Variants in COPS5 observed in about 807,000 individuals in gnomAD.
The protein encoded by COPS5 is COP9 signalosome complex subunit 5.
In COPS5, 8 loss-of-function variants were observed where a neutral mutation model predicts 44.4. The ratio of observed to expected loss-of-function variants is 0.18; its 90% CI spans 0.11 to 0.32. The LOEUF (loss-of-function observed/expected upper bound fraction) is 0.32, where lower values mean the gene tolerates loss of function less well. Ranked by LOEUF, COPS5 falls within the 10% of genes least tolerant of loss-of-function variation. The probability of loss-of-function intolerance (pLI) is 1.00; values close to 1 mark genes in which losing one functional copy is unlikely to be tolerated. For synonymous variants in COPS5, 122 were observed against 142.8 expected, an observed-to-expected ratio of 0.85 and a Z score of 1.04; for missense variants, 159 against 406.4, an observed-to-expected ratio of 0.39 and a Z score of 5.23.
At chr8:67,058,279 A>G in intron 2 of COPS5, 68 bp from the exon 3 acceptor site, 1 of 1,491,330 alleles carries the variant, frequency 6.7e-7, no homozygotes, top group Non-Finnish European at 9.2e-7. Context: ...CCAGTACAAT[A>G]AGGGTAACCA....
intron 6 of COPS5, among the ~76,000 whole-genome samples, chr8:67,050,346 C>T (rs1219925847): frequency 6.6e-6 from 1 of 152,120 alleles, no homozygotes; most frequent in Non-Finnish European, 1.5e-5. Flanking sequence ...TAATGCTCTT[C>T]TGATTCACTC....
At position 67,045,948 on chromosome 8, in the gene COPS5, T is replaced by C; in HGVS notation, c.784A>G (p.Thr262Ala). 6.2e-7 allele frequency: 1 copy of C among 1,614,100 alleles called. No individual in the cohort carries two copies. The highest frequency in any genetic ancestry group is 2.2e-5 in the East Asian group (1 of 44,870). The change falls in exon 7 of 8, where the codon ACC (threonine) becomes GCC (alanine). Residue 262 changes from threonine to alanine, a missense_variant. By Grantham distance (58) the Thr-to-Ala change is moderately conservative (BLOSUM62 0). This residue lies in a region of COPS5 where 134 missense variants were observed against 376.7 expected (regional missense o/e 0.36). Transcript: ENST00000357849. ...SSSLLTNADY[T>A]TGQVFDLSEK... ...GACAAATCAAAGACCTGACCAGTGG[T>C]ATAGTCTGCATTCTGTGGGGAAAGT...
chr8:67,061,456 A>G (rs903263550), intron 1 of COPS5: 14 of 440,964 alleles, frequency 3.2e-5, no homozygotes, highest in Non-Finnish European at 6.3e-5. Context: ...AATAGCTCAT[A>G]GCTATTTTTG....
chr8:67,057,823 C>T (rs1804534558), intron 3 of COPS5, among the ~76,000 whole-genome samples: 1 of 152,178 alleles, frequency 6.6e-6, no homozygotes, highest in Non-Finnish European at 1.5e-5. Flanking sequence ...TCAGTCAACA[C>T]TGATTGAATG....
intron 6 of COPS5, among the ~76,000 whole-genome samples, chr8:67,050,645 C>T (rs1468245111): frequency 1.5e-5 from 2 of 133,038 alleles, no homozygotes; most frequent in Admixed American, 7.4e-5. Context: ...GTGTGTGTAT[C>T]TTGACCTTCT....
chr8:67,045,548 C>T, intron 7 of COPS5: 1 of 401,996 alleles, frequency 2.5e-6, no homozygotes, highest in Non-Finnish European at 4.5e-6. Flanking sequence ...TCTAGTTGAA[C>T]CTAGAAAAGG....
chr8:67,050,723 C>G (rs1479412535), intron 6 of COPS5, among the ~76,000 whole-genome samples: 1 of 150,304 alleles, frequency 6.7e-6, no homozygotes, highest in African/African-American at 2.5e-5. Context: ...TCACATGAAG[C>G]CTGAAACTAG....
intron 6 of COPS5, among the ~76,000 whole-genome samples, chr8:67,049,198 C>T (rs151046484): frequency 6.9e-4 from 105 of 152,308 alleles, no homozygotes; most frequent in African/African-American, 1.9e-3. Flanking sequence ...GGCATGGTGG[C>T]TCACGGCCTG....
intron 1 of COPS5, chr8:67,060,899 C>T (rs1432463076): frequency 5.9e-6 from 1 of 170,108 alleles, no homozygotes; most frequent in Non-Finnish European, 1.3e-5. Context: ...TAGCTAGGTG[C>T]TTCCGCAGTT....
chr8:67,046,792 C>CAGCCTGGG (rs1381457772), intron 6 of COPS5, among the ~76,000 whole-genome samples: 2 of 129,606 alleles, frequency 1.5e-5, no homozygotes, highest in Non-Finnish European at 3.1e-5. Flanking sequence ...CATTGTACTC[C>CAGCCTGGG]AGCCTGGGCA....
chr8:67,055,182 G>A (rs1309821819), intron 5 of COPS5, among the ~76,000 whole-genome samples: 1 of 152,216 alleles, frequency 6.6e-6, no homozygotes, highest in African/African-American at 2.4e-5. Context: ...TGGCTGGATT[G>A]CAGACCAGCA....
intron 7 of COPS5, chr8:67,044,719 C>G (rs1563443302): frequency 6.6e-6 from 1 of 151,976 alleles, no homozygotes. Flanking sequence ...TCTGCCTCAG[C>G]CTCCTGAATA....
chr8:67,058,243 T>C, intron 2 of COPS5, 32 bp from the exon 3 acceptor site: 2 of 1,607,516 alleles, frequency 1.2e-6, no homozygotes, highest in Non-Finnish European at 1.7e-6. Context: ...AAGTTTAAGA[T>C]TACTCTTTAA....
rs1310848193 is a variant in COPS5, at chr8:67,059,109, A to C, written c.378+102T>G. On this transcript the variant is annotated intron_variant, in intron 2 of 7. Transcript: ENST00000357849. ...ACATATAAATCATTAAAATTTAAAT[A>C]TAAAATTTCATGTAAAGGGGATAAT... 3 of 691,322 alleles carry C rather than the reference A, an allele frequency of 4.3e-6. No individual in the cohort carries two copies. In the East Asian group the frequency reaches 8.3e-5, roughly 19 times the overall value. 42.8% of individuals were successfully genotyped at this position (691,322 alleles called of 1,614,324 possible).
intron 5 of COPS5, among the ~76,000 whole-genome samples, chr8:67,053,632 C>T (rs1376822122): frequency 1.3e-5 from 2 of 151,070 alleles, no homozygotes; most frequent in Non-Finnish European, 2.9e-5. Flanking sequence ...ACCTGGGAGG[C>T]GGAGGTTGCA....
intron 6 of COPS5, chr8:67,048,001 C>A: frequency 1.5e-6 from 1 of 664,642 alleles, no homozygotes; most frequent in East Asian, 2.7e-5. Flanking sequence ...AGATACTGGG[C>A]GCCGTGGCTC....
At chr8:67,044,010 A>G (rs536483401) in intron 7 of COPS5, 15 of 152,240 alleles carry the variant, frequency 9.9e-5, no homozygotes, top group African/African-American at 3.4e-4. Context: ...CACACACTCA[A>G]AGCAAGTATC....
Position 67,052,209 on chromosome 8 carries a change from G to C in COPS5, c.660-868C>G, listed in dbSNP as rs534126741. Among the ~76,000 whole-genome samples, 171 of 152,050 alleles carry C rather than the reference G, an allele frequency of 1.1e-3. 1 individual carries two copies. The highest frequency in any genetic ancestry group is 1.9e-3 in the Non-Finnish European group (131 of 67,998). ...CCTCAGGGAAAAGGCAAGGTGTAGG[G>C]TAAACATTTTTGAGTCTATGGTATG... On this transcript the variant is annotated intron_variant, in intron 5 of 7. Coordinates refer to ENST00000357849, the MANE Select transcript of COPS5 (RefSeq NM_006837.3).
chr8:67,060,303 A>G, intron 1 of COPS5: 1 of 1,151,122 alleles, frequency 8.7e-7, no homozygotes, highest in Non-Finnish European at 1.1e-6. Context: ...GTTTCCAAAT[A>G]TTTAAGAGTA....
Sources: allele counts gnomAD v4.1 joint callset (sites outside exome capture counted in the v4.1 genomes callset), GRCh38; gene constraint gnomAD v4.1.1; regional missense constraint gnomAD v4.1.1; transcripts MANE v1.5; gene names NCBI Gene and HGNC (gene_info 2026-07-23, HGNC 2026-07-21).